ATAD3B: variants seen among roughly 807,000 people sequenced by gnomAD.
ATAD3B encodes ATPase family AAA domain-containing protein 3B.
In ATAD3B, 59 loss-of-function variants were observed where a neutral mutation model predicts 70.2. That is an observed-to-expected ratio of 0.84 (90% CI 0.68 to 1.04). The LOEUF (loss-of-function observed/expected upper bound fraction) is 1.04. Ranked by LOEUF, ATAD3B falls within the 50% of genes least tolerant of loss-of-function variation. The probability of loss-of-function intolerance (pLI) is 0.00; values close to 1 mark genes in which losing one functional copy is unlikely to be tolerated. For synonymous variants in ATAD3B, 423 were observed against 388.6 expected, an observed-to-expected ratio of 1.09 and a Z score of -1.04; for missense variants, 961 against 913.4, an observed-to-expected ratio of 1.05 and a Z score of -0.67.
intron 1 of ATAD3B, among the ~76,000 whole-genome samples, chr1:1,476,164 C>G (rs1355119486): frequency 6.9e-6 from 1 of 145,386 alleles, no homozygotes; most frequent in Admixed American, 6.8e-5. Flanking sequence ...CTGGGGCCCC[C>G]GAGGTTAGCT....
chr1:1,476,835 T>G (rs1639616578), intron 1 of ATAD3B, among the ~76,000 whole-genome samples: 3 of 148,796 alleles, frequency 2.0e-5, no homozygotes, highest in African/African-American at 7.5e-5. Context: ...GAGACGGAGT[T>G]GCGCTCTGTT....
At chr1:1,478,286 G>C in intron 2 of ATAD3B, 1 of 862,950 alleles carries the variant, frequency 1.2e-6, no homozygotes, top group East Asian at 2.8e-5. Flanking sequence ...CAAGAGCGAT[G>C]GCGCCCGGCC....
At chr1:1,491,456 G>A (rs1272398561) in intron 15 of ATAD3B, among the ~76,000 whole-genome samples, 1 of 151,910 alleles carries the variant, frequency 6.6e-6, no homozygotes, top group African/African-American at 2.4e-5. Flanking sequence ...GCTTGACCCG[G>A]GGAGTTGGAG....
At chr1:1,475,272 C>CT (rs1361821258) in intron 1 of ATAD3B, among the ~76,000 whole-genome samples, 3 of 151,154 alleles carry the variant, frequency 2.0e-5, no homozygotes, top group Non-Finnish European at 2.9e-5. Context: ...GGTGTGGGCT[C>CT]TTTCATTTTG....
In ATAD3B at chr1:1,490,132, T is replaced by C. The variant is rs528436382; in HGVS notation, c.1338-125T>C. The stretch of plus-strand genomic sequence containing the variant: ...GGCTGCGTTCTCCCCATGTTTCCTG[T>C]GCTCACAAGCTGCCGCTTTAGATTC... On this transcript the variant is annotated intron_variant, in intron 13 of 15. Transcript: ENST00000673477. 686 of 1,469,016 alleles carry C rather than the reference T, an allele frequency of 4.7e-4. No individual in the cohort carries two copies. The East Asian group carries it at 0.016, about 33-fold the overall frequency. The allele number at this position is 1,469,016 out of a possible 1,614,324, so 91.0% of individuals were successfully genotyped here. A position where few individuals can be genotyped will look rare whatever the true frequency, so the allele number is the denominator to read the frequency against.
Position 1,480,931 on chromosome 1 carries a change from G to T in ATAD3B, c.509G>T (p.Arg170Leu), listed in dbSNP as rs764478340. Residue 170 changes from arginine to leucine, a missense_variant, in exon 5 of 16, where the codon CGG becomes CTG. Arg to Leu is a moderately radical substitution (Grantham distance 102). Around this residue, in one of 4 missense-constraint regions of ATAD3B, gnomAD observed 187 missense variants for 244.3 expected, o/e 0.77. Coordinates refer to ENST00000673477, the MANE Select transcript of ATAD3B (RefSeq NM_031921.6). ...EESVQKQEAM[R>L]RATVEREMEL... ...TCCGTGCAGAAGCAGGAAGCCATGCGGCGAGGTAGGCTGTCTGCTCTCCTG... is the reference window on the plus strand; with the variant it reads ...TCCGTGCAGAAGCAGGAAGCCATGCTGCGAGGTAGGCTGTCTGCTCTCCTG... 3 of 1,591,940 alleles carry T rather than the reference G, an allele frequency of 1.9e-6. No individual in the cohort carries two copies. Among genetic ancestry groups the T allele is most frequent in the Non-Finnish European group, 2.6e-6 (3 of 1,171,652 alleles).
chr1:1,482,456 G>T (rs558132046), intron 6 of ATAD3B, 89 bp from the exon 7 acceptor site: 1 of 1,607,014 alleles, frequency 6.2e-7, no homozygotes, highest in Non-Finnish European at 8.5e-7. Flanking sequence ...AGGCCGTGCC[G>T]CCATGTCAGG....
At position 1,472,103 on chromosome 1, in the gene ATAD3B, G is replaced by T; in HGVS notation, c.205+14G>T. On this transcript the variant is annotated intron_variant, in intron 1 of 15. Transcript: ENST00000673477. ...TGGAGCACTCGCGTGAGTGCGGCGG[G>T]GCGGGGCGGGGCGGGCGGGCGGGCG... The T allele has an allele frequency of 1.7e-6, 2 of 1,166,976 alleles. 1 individual carries two copies. Among genetic ancestry groups the T allele is most frequent in the Non-Finnish European group, 2.1e-6 (2 of 970,308 alleles). The allele number at this position is 1,166,976 out of a possible 1,614,324, so 72.3% of individuals were successfully genotyped here. A position where few individuals can be genotyped will look rare whatever the true frequency, so the allele number is the denominator to read the frequency against.
chr1:1,480,735 G>A lies in ATAD3B; in HGVS notation c.445-132G>A, dbSNP rs1298426947. 62 of 1,485,466 alleles carry A rather than the reference G, an allele frequency of 4.2e-5. 4 individuals are homozygous for A. The highest frequency in any genetic ancestry group is 4.9e-5 in the Non-Finnish European group (54 of 1,111,788). The allele number at this position is 1,485,466 out of a possible 1,614,324, so 92.0% of individuals were successfully genotyped here. A position where few individuals can be genotyped will look rare whatever the true frequency, so the allele number is the denominator to read the frequency against. On this transcript the variant is annotated intron_variant, in intron 4 of 15. Transcript: ENST00000673477. ...GTCACCCGTGTCTGTGTCAGGGTGC[G>A]GCGTCTGCAGGTCCCCAGGTGCCCA...
rs146907250 is a variant in ATAD3B at position 1,482,218 on chromosome 1, G to A, written c.595G>A (p.Ala199Thr). 1.9e-6 allele frequency: 3 copies of A among 1,611,342 alleles called. No individual in the cohort carries two copies. Among genetic ancestry groups the A allele is most frequent in the Non-Finnish European group, 2.5e-6 (3 of 1,179,310 alleles). ...VETEARARAK[A>T]ERENADIIRE... Reference sequence around the variant, plus strand: ...GACCGAGGCCCGGGCGCGCGCCAAGGCCGAGCGGGAGAATGCAGACATCAT... The same window carrying A: ...GACCGAGGCCCGGGCGCGCGCCAAGACCGAGCGGGAGAATGCAGACATCAT... Residue 199 changes from alanine to threonine, a missense_variant, in exon 6 of 16, where the codon GCC becomes ACC. Ala to Thr is a moderately conservative substitution (Grantham distance 58). Around this residue, in one of 4 missense-constraint regions of ATAD3B, gnomAD observed 349 missense variants for 307.5 expected, o/e 1.14. Transcript: ENST00000673477.
the ATAD3B span, among the ~76,000 whole-genome samples, chr1:1,506,787 C>CTTTTTTTTTT: frequency 1.7e-5 from 2 of 120,054 alleles, no homozygotes; most frequent in African/African-American, 3.1e-5. Flanking sequence ...TTTCTTTTTT[C>CTTTTTTTTTT]TTTTTTTTTT....
chr1:1,491,913 T>G (rs1640559639), intron 15 of ATAD3B, among the ~76,000 whole-genome samples: 1 of 151,774 alleles, frequency 6.6e-6, no homozygotes. Context: ...CTGGGTATGG[T>G]GGTGGCTGAC....
the ATAD3B span, chr1:1,503,391 G>C: frequency 3.3e-6 from 2 of 607,946 alleles, no homozygotes; most frequent in Non-Finnish European, 5.8e-6. Flanking sequence ...CCTCACAAAT[G>C]CATCAGGCCG....
At chr1:1,477,525 G>C (rs1001768570) in intron 2 of ATAD3B, among the ~76,000 whole-genome samples, 175 bp downstream of exon 2, 1 of 151,882 alleles carries the variant, frequency 6.6e-6, no homozygotes, top group African/African-American at 2.4e-5. Flanking sequence ...GGTGAGAGAC[G>C]CTGCCGCAGA....
At chr1:1,482,874 C>G (rs985675733) in intron 7 of ATAD3B, among the ~76,000 whole-genome samples, 1 of 151,858 alleles carries the variant, frequency 6.6e-6, no homozygotes, top group South Asian at 2.1e-4. Context: ...GTGATGGTGG[C>G]GCCTGTGGTC....
chr1:1,499,109 C>G (rs1431475227), downstream of ATAD3B, among the ~76,000 whole-genome samples: 1 of 151,542 alleles, frequency 6.6e-6, no homozygotes, highest in African/African-American at 2.4e-5. Context: ...GTAGCTGGGA[C>G]CACAGGTGCC....
intron 11 of ATAD3B, among the ~76,000 whole-genome samples, chr1:1,487,264 C>G (rs983687996): frequency 2.0e-5 from 3 of 151,834 alleles, no homozygotes; most frequent in African/African-American, 4.8e-5. Context: ...CGGAGGCAGG[C>G]AGATACGAGG....
intron 15 of ATAD3B, among the ~76,000 whole-genome samples, chr1:1,491,360 G>A (rs533904419): frequency 1.3e-5 from 2 of 151,982 alleles, no homozygotes; most frequent in East Asian, 1.9e-4. Context: ...TCGAAACCCC[G>A]TCTCTACTAA....
the ATAD3B span, chr1:1,509,302 G>A: frequency 5.6e-6 from 9 of 1,612,774 alleles, 1 homozygote; most frequent in South Asian, 9.9e-5. Context: ...ATGATGCGCT[G>A]GCTGAAGAGG....
Sources: gnomAD v4.1 joint callset for allele counts (sites outside exome capture counted in the v4.1 genomes callset) on GRCh38, gnomAD v4.1.1 for gene constraint, gnomAD v4.1.1 regional missense constraint, MANE v1.5 for transcripts, NCBI Gene and HGNC (gene_info 2026-07-23, HGNC 2026-07-21) for gene names.